NDUFC2: variants seen among roughly 807,000 people sequenced by gnomAD.
NDUFC2 encodes the protein NADH dehydrogenase [ubiquinone] 1 subunit C2.
A neutral mutation model predicts 10.1 loss-of-function variants in NDUFC2; 2 were observed. The ratio of observed to expected loss-of-function variants is 0.20; its 90% CI spans 0.08 to 0.62. The LOEUF (loss-of-function observed/expected upper bound fraction) is 0.62, where lower values mean the gene tolerates loss of function less well. Among genes scored for constraint, NDUFC2 ranks in the 20% least tolerant of loss-of-function variants. The pLI is 0.87. For missense variants in NDUFC2, 156 were observed against 159.6 expected (o/e 0.98, Z 0.12); for synonymous variants, 61 against 63.6 (o/e 0.96, Z 0.20).
At chr11:78,079,527 C>T (rs557398350) in intron 1 of NDUFC2, 52 bp downstream of exon 1, 3 of 1,532,964 alleles carry the variant, frequency 2.0e-6, no homozygotes, top group East Asian at 5.0e-5. Flanking sequence ...GGCCAGTCTG[C>T]AGCCCTACGA....
intron 1 of NDUFC2, among the ~76,000 whole-genome samples, chr11:78,074,795 G>A (rs930418121): frequency 6.6e-6 from 1 of 152,202 alleles, no homozygotes; most frequent in Admixed American, 6.5e-5. Flanking sequence ...TTTCCATAAT[G>A]GGCTACCCGC....
chr11:78,073,761 C>T (rs1386955817), intron 1 of NDUFC2, among the ~76,000 whole-genome samples: 1 of 144,838 alleles, frequency 6.9e-6, no homozygotes, highest in Admixed American at 7.0e-5. Context: ...GAGATCGCGC[C>T]GTTGCACTCC....
chr11:78,072,890 G>T, intron 2 of NDUFC2, 108 bp downstream of exon 2: 1 of 1,434,022 alleles, frequency 7.0e-7, no homozygotes, highest in Non-Finnish European at 9.3e-7. Flanking sequence ...CTAAGATGTG[G>T]GAGTCAACAG....
At chr11:78,074,511 G>A (rs1377901809) in intron 1 of NDUFC2, among the ~76,000 whole-genome samples, 1 of 151,914 alleles carries the variant, frequency 6.6e-6, no homozygotes, top group Non-Finnish European at 1.5e-5. Context: ...TACTCAGGAG[G>A]CTGAGGCTGG....
At chr11:78,072,441 G>T (rs1859052058) in intron 2 of NDUFC2, among the ~76,000 whole-genome samples, 1 of 152,206 alleles carries the variant, frequency 6.6e-6, no homozygotes. Flanking sequence ...GCCCCCCAAA[G>T]TGCTGGGATT....
chr11:78,071,444 A>T (rs1859005817), intron 2 of NDUFC2, among the ~76,000 whole-genome samples: 1 of 151,976 alleles, frequency 6.6e-6, no homozygotes, highest in African/African-American at 2.4e-5. Context: ...TTCTGTAGAG[A>T]TGAGGTCTCA....
chr11:78,076,134 C>T (rs971310183), intron 1 of NDUFC2, among the ~76,000 whole-genome samples: 1 of 124,336 alleles, frequency 8.0e-6, no homozygotes, highest in African/African-American at 3.2e-5. Context: ...TACTTATTCA[C>T]TCAATACTAC....
chr11:78,073,253 A>G, intron 1 of NDUFC2, 112 bp from the exon 2 acceptor site: 1 of 1,504,008 alleles, frequency 6.6e-7, no homozygotes, highest in South Asian at 1.2e-5. Flanking sequence ...GCACTTTGGG[A>G]GGCCAAGACA....
chr11:78,079,286 A>G (rs535763988), intron 1 of NDUFC2, among the ~76,000 whole-genome samples: 1 of 152,188 alleles, frequency 6.6e-6, no homozygotes, highest in African/African-American at 2.4e-5. Context: ...GCATGGAGTC[A>G]TGGCTCATTT....
At chr11:78,079,467 T>C in intron 1 of NDUFC2, 112 bp downstream of exon 1, 1 of 1,414,392 alleles carries the variant, frequency 7.1e-7, no homozygotes, top group South Asian at 1.5e-5. Context: ...TGGGGCCAGC[T>C]AGGCAAAAAG....
chr11:78,076,086 G>T (rs1859236375), intron 1 of NDUFC2, among the ~76,000 whole-genome samples: 1 of 152,036 alleles, frequency 6.6e-6, no homozygotes, highest in Admixed American at 6.6e-5. Flanking sequence ...ACCTTTGGAG[G>T]ATTGGGACCA....
At chr11:78,073,515 A>G (rs975133137) in intron 1 of NDUFC2, among the ~76,000 whole-genome samples, 5 of 144,538 alleles carry the variant, frequency 3.5e-5, no homozygotes, top group African/African-American at 1.3e-4. Flanking sequence ...AAAAATAAAA[A>G]TAAAAAAAGC....
intron 2 of NDUFC2, among the ~76,000 whole-genome samples, chr11:78,071,555 C>A (rs1261982205): frequency 6.6e-6 from 1 of 152,020 alleles, no homozygotes; most frequent in Non-Finnish European, 1.5e-5. Flanking sequence ...TGTGCCAAAC[C>A]CCTGGGGAAA....
Position 78,079,745 on chromosome 11 carries a change from G to A in NDUFC2, c.-1C>T, listed in dbSNP as rs372906329. 1.4e-5 allele frequency: 22 copies of A among 1,605,096 alleles called. No homozygotes were observed. Among genetic ancestry groups the A allele is most frequent in the Non-Finnish European group, 1.8e-5 (21 of 1,177,096 alleles). Reference sequence around the variant, plus strand: ...GTTCTGGGTTCCGCCGTGCGATCATGGTGACGCCGTTTCCACTTGAGGCCT... The same window carrying A: ...GTTCTGGGTTCCGCCGTGCGATCATAGTGACGCCGTTTCCACTTGAGGCCT... On this transcript the variant is annotated 5_prime_UTR_variant, in exon 1 of 3. Transcript: ENST00000281031.
At position 78,076,477 on chromosome 11, in the gene NDUFC2, T is replaced by C. The variant is rs147603675; in HGVS notation, c.166+3102A>G. ...CTTACTGAACACCTACTATAGATAT[T>C]AGACACTGAGCTAGATAAACACAAT... On this transcript the variant is annotated intron_variant, in intron 1 of 2. Transcript: ENST00000281031. Among the ~76,000 whole-genome samples, 292 of 152,300 alleles carry C rather than the reference T, an allele frequency of 1.9e-3. 2 individuals are homozygous for C. The highest frequency in any genetic ancestry group is 6.8e-3 in the African/African-American group (283 of 41,556).
Position 78,069,650 on chromosome 11 carries a change from A to G in NDUFC2, c.*337T>C, listed in dbSNP as rs767348119. ...AACTACTCAATTCTGCTCTTGCAGC[A>G]TGGCAGTCGCCATAAACAACATGTA... On this transcript the variant is annotated 3_prime_UTR_variant, in exon 3 of 3. Coordinates refer to ENST00000281031, the MANE Select transcript of NDUFC2 (RefSeq NM_004549.6). 7.2e-6 allele frequency: 4 copies of G among 559,102 alleles called. No homozygotes were observed. The highest frequency in any genetic ancestry group is 1.2e-5 in the Non-Finnish European group (4 of 321,794). The allele number at this position is 559,102 out of a possible 1,614,324, so 34.6% of individuals were successfully genotyped here.
intron 1 of NDUFC2, 73 bp downstream of exon 1, chr11:78,079,506 G>T (rs1859414753): frequency 1.3e-6 from 2 of 1,508,356 alleles, no homozygotes; most frequent in Non-Finnish European, 1.8e-6. Flanking sequence ...CCTCAGGGGG[G>T]CCTACGGCCG....
chr11:78,070,078 G>A (rs1858932067), intron 2 of NDUFC2, 42 bp from the exon 3 acceptor site: 8 of 1,369,650 alleles, frequency 5.8e-6, no homozygotes, highest in African/African-American at 1.5e-5. Flanking sequence ...TTAAAAATAT[G>A]TTTTAAAAAT....
intron 1 of NDUFC2, among the ~76,000 whole-genome samples, chr11:78,078,171 T>C (rs917529471): frequency 7.9e-5 from 12 of 152,218 alleles, no homozygotes; most frequent in Non-Finnish European, 2.9e-5. Flanking sequence ...CTGAGCTTTT[T>C]TCCTGATTGT....
Sources: gnomAD v4.1 joint callset for allele counts (sites outside exome capture counted in the v4.1 genomes callset) on GRCh38, gnomAD v4.1.1 for gene constraint, MANE v1.5 for transcripts, NCBI Gene and HGNC (gene_info 2026-07-23, HGNC 2026-07-21) for gene names.